ZNF488: variants seen among roughly 807,000 people sequenced by gnomAD.
ZNF488 encodes zinc finger protein 488.
In ZNF488, 1 loss-of-function variant was observed where a neutral mutation model predicts 1.2. That is an observed-to-expected ratio of 0.86 (90% CI 0.30 to 4.07). The LOEUF (loss-of-function observed/expected upper bound fraction) is 4.07. Among genes scored for constraint, ZNF488 ranks in the 30% most tolerant of loss-of-function variants. The pLI, the probability that ZNF488 is intolerant of heterozygous loss-of-function variation, is 0.18. For synonymous variants in ZNF488, 185 were observed against 190.1 expected (o/e 0.97, Z 0.22); for missense variants, 450 against 437.9 (o/e 1.03, Z -0.25).
intron 1 of ZNF488, among the ~76,000 whole-genome samples, chr10:47,381,140 G>C (rs1837931978): frequency 7.0e-6 from 1 of 142,322 alleles, no homozygotes; most frequent in African/African-American, 2.6e-5. Context: ...TGGGATGTCT[G>C]AAGTCACTCC....
intron 1 of ZNF488, among the ~76,000 whole-genome samples, chr10:47,371,703 G>A (rs1424484896): frequency 2.0e-5 from 3 of 151,868 alleles, no homozygotes; most frequent in South Asian, 2.1e-4. Context: ...GGATTCTCAC[G>A]GCCCAGTGGA....
chr10:47,370,189 T>A (rs1325974560), intron 1 of ZNF488, among the ~76,000 whole-genome samples: 1 of 152,264 alleles, frequency 6.6e-6, no homozygotes, highest in South Asian at 2.1e-4. Context: ...CACCTCCTGC[T>A]CCTTCCCTGT....
In ZNF488 at chr10:47,368,677, C is replaced by T. The variant is rs77612584; in HGVS notation, c.153G>A (p.Glu51=). 10 of 1,612,364 alleles carry T rather than the reference C, an allele frequency of 6.2e-6. No homozygotes were observed. Among genetic ancestry groups the T allele is most frequent in the Admixed American group, 1.7e-5 (1 of 60,012 alleles). ...LGRGCKPVLL[E]KTNRLGPEAA... is the part of the protein sequence containing the mutation. ...CCTCAGGGCCCAGGCGGTTCGTCTT[C>T]TCGAGCAGCACTGGCTTGCAGCCCC... The change falls in exon 2 of 2, where the codon GAG becomes GAA. Residue 51 remains glutamate (E), a synonymous_variant. Coordinates refer to ENST00000585316, the MANE Select transcript of ZNF488 (RefSeq NM_153034.4).
chr10:47,369,714 A>G (rs1008953000), intron 1 of ZNF488, among the ~76,000 whole-genome samples: 1 of 151,932 alleles, frequency 6.6e-6, no homozygotes, highest in African/African-American at 2.4e-5. Flanking sequence ...TTCCCATCGT[A>G]CCTGTGAACT....
At chr10:47,380,016 C>T (rs1328981078) in intron 1 of ZNF488, among the ~76,000 whole-genome samples, 1 of 152,286 alleles carries the variant, frequency 6.6e-6, no homozygotes, top group South Asian at 2.1e-4. Flanking sequence ...GCCTTCCTCC[C>T]CTTCACAGAC....
At chr10:47,378,976 C>T (rs1837800621) in intron 1 of ZNF488, among the ~76,000 whole-genome samples, 3 of 152,168 alleles carry the variant, frequency 2.0e-5, no homozygotes, top group Admixed American at 2.0e-4. Flanking sequence ...TCTCTGTGTT[C>T]CCGAGCAAAG....
At chr10:47,371,564 T>G (rs1837469128) in intron 1 of ZNF488, among the ~76,000 whole-genome samples, 1 of 151,264 alleles carries the variant, frequency 6.6e-6, no homozygotes, top group East Asian at 1.9e-4. Flanking sequence ...TTTGGGGGAG[T>G]TTTTTCTCAA....
At chr10:47,375,925 C>T (rs932051592) in intron 1 of ZNF488, among the ~76,000 whole-genome samples, 2 of 152,108 alleles carry the variant, frequency 1.3e-5, no homozygotes, top group South Asian at 2.1e-4. Flanking sequence ...ACGGCACACG[C>T]GAATGCCAGG....
chr10:47,368,845 G>T lies in ZNF488; in HGVS notation c.-16C>A. ...ACTCTGGCATTCATCAGTCTTTGGG[G>T]GTTTGGGGTTCTGGAGGGCTTGGCC... On this transcript the variant is annotated 5_prime_UTR_variant, in exon 2 of 2. Transcript: ENST00000585316. 1 of 1,562,462 alleles carries T rather than the reference G, an allele frequency of 6.4e-7. No homozygotes were observed. Among genetic ancestry groups the T allele is most frequent in the East Asian group, 2.2e-5 (1 of 44,580 alleles).
chr10:47,379,879 C>G (rs1311782257), intron 1 of ZNF488, among the ~76,000 whole-genome samples: 1 of 152,204 alleles, frequency 6.6e-6, no homozygotes, highest in Non-Finnish European at 1.5e-5. Context: ...TTCTCTTGGT[C>G]AGAGCCCTGA....
chr10:47,380,671 CCCA>C (rs1837904836), intron 1 of ZNF488, among the ~76,000 whole-genome samples: 1 of 152,294 alleles, frequency 6.6e-6, no homozygotes, highest in Admixed American at 6.5e-5. Flanking sequence ...GCCACATTCT[CCCA>C]CATTATCACC....
intron 1 of ZNF488, among the ~76,000 whole-genome samples, chr10:47,374,801 T>A (rs1271972935): frequency 6.6e-6 from 1 of 152,214 alleles, no homozygotes; most frequent in African/African-American, 2.4e-5. Flanking sequence ...ATCACCTGCA[T>A]GCCAAAGACT....
chr10:47,368,027 G>A lies in ZNF488; in HGVS notation c.803C>T (p.Ser268Phe). The stretch of plus-strand genomic sequence containing the variant: ...CCAGTTCTGGGTGGACAAGCCCAGG[G>A]AGGTGAGGGTGGGTGGCAGGAGGGC... Reference protein sequence around the residue: ...SWALLPPTLTSLGLSTQNWCA... With the variant: ...SWALLPPTLTFLGLSTQNWCA... The change falls in exon 2 of 2, where the codon TCC (serine) becomes TTC (phenylalanine). Residue 268 changes from serine (S) to phenylalanine (F), a missense_variant. Coordinates refer to ENST00000585316, the MANE Select transcript of ZNF488 (RefSeq NM_153034.4). The A allele has an allele frequency of 6.2e-7, 1 of 1,614,166 alleles. No individual in the cohort carries two copies. Among genetic ancestry groups the A allele is most frequent in the Non-Finnish European group, 8.5e-7 (1 of 1,180,026 alleles).
rs1335204727 is a variant in ZNF488, at chr10:47,368,618, C to CTGCCCACA, written c.204_211dup (p.Ser71MetfsTer11). 1.2e-6 allele frequency: 2 copies of CTGCCCACA among 1,610,344 alleles called. No homozygotes were observed. The highest frequency in any genetic ancestry group is 1.7e-6 in the Non-Finnish European group (2 of 1,179,752). ...GGCTACCAACAGTGCCAGCTCCGCACTGCCCACATCCCGGCCCGCCCTGCC... is the reference window on the plus strand; with the variant it reads ...GGCTACCAACAGTGCCAGCTCCGCACTGCCCACATGCCCACATCCCGGCCCGCCCTGCC... On this transcript the variant is annotated frameshift_variant, in exon 2 of 2. Coordinates refer to ENST00000585316, the MANE Select transcript of ZNF488 (RefSeq NM_153034.4). LOFTEE classifies it low-confidence loss of function (END_TRUNC).
chr10:47,370,203 C>A (rs545237467), intron 1 of ZNF488, among the ~76,000 whole-genome samples: 1 of 152,372 alleles, frequency 6.6e-6, no homozygotes, highest in Admixed American at 6.5e-5. Flanking sequence ...TCCCTGTGCT[C>A]CTTGCTGGGC....
chr10:47,382,362 A>G (rs549396575), intron 1 of ZNF488, among the ~76,000 whole-genome samples: 11 of 152,374 alleles, frequency 7.2e-5, no homozygotes, highest in Admixed American at 7.2e-4. Flanking sequence ...TAAGGATAAA[A>G]AGACAATGAT....
chr10:47,373,052 G>C (rs967957059), intron 1 of ZNF488, among the ~76,000 whole-genome samples: 6 of 152,224 alleles, frequency 3.9e-5, no homozygotes, highest in African/African-American at 1.4e-4. Context: ...GCGTGTCATG[G>C]GGCCACTGAC....
At position 47,368,820 on chromosome 10, in the gene ZNF488, A is replaced by G; in HGVS notation, c.10T>C (p.Trp4Arg). 6.3e-7 allele frequency: 1 copy of G among 1,586,744 alleles called. No individual in the cohort carries two copies. The highest frequency in any genetic ancestry group is 8.6e-7 in the Non-Finnish European group (1 of 1,167,250). The change falls in exon 2 of 2, where the codon TGG (tryptophan) becomes CGG (arginine). Residue 4 changes from tryptophan to arginine, a missense_variant. By Grantham distance (101) the Trp-to-Arg change is moderately radical. Coordinates refer to ENST00000585316, the MANE Select transcript of ZNF488 (RefSeq NM_153034.4). Reference sequence around the variant, plus strand: ...GGGGCCACAGATAAGCAAGGTGGCCACTCTGGCATTCATCAGTCTTTGGGG... The same window carrying G: ...GGGGCCACAGATAAGCAAGGTGGCCGCTCTGGCATTCATCAGTCTTTGGGG... Reference protein sequence around the residue: MPEWPPCLSVAPAL... With the variant: MPERPPCLSVAPAL...
chr10:47,373,455 C>T (rs910454329), intron 1 of ZNF488, among the ~76,000 whole-genome samples: 3 of 152,172 alleles, frequency 2.0e-5, no homozygotes, highest in Non-Finnish European at 2.9e-5. Context: ...CTCACCTCCA[C>T]GCATTTATTA....
Sources: gnomAD v4.1 joint callset for allele counts (sites outside exome capture counted in the v4.1 genomes callset) on GRCh38, gnomAD v4.1.1 for gene constraint, MANE v1.5 for transcripts, NCBI Gene and HGNC (gene_info 2026-07-23, HGNC 2026-07-21) for gene names.